ZDHHC9: variants seen among roughly 807,000 people sequenced by gnomAD.
ZDHHC9 encodes zDHHC palmitoyltransferase 9, also known as palmitoyltransferase ZDHHC9.
In ZDHHC9, 3 loss-of-function variants were observed where a neutral mutation model predicts 26.6. That is an observed-to-expected ratio of 0.11 (90% CI 0.05 to 0.29). The LOEUF (loss-of-function observed/expected upper bound fraction) is 0.29. ZDHHC9 is among the 10% of genes least tolerant of loss of function. The pLI, the probability that ZDHHC9 is intolerant of heterozygous loss-of-function variation, is 1.00. For synonymous variants in ZDHHC9, 111 were observed against 109.4 expected (o/e 1.01, Z -0.09); for missense variants, 146 against 296.4 (o/e 0.49, Z 3.73).
At chrX:129,808,557 T>C (rs751789469) in intron 10 of ZDHHC9, among the ~76,000 whole-genome samples, 2 of 111,470 alleles carry the variant, frequency 1.8e-5, no homozygotes, top group Non-Finnish European at 3.8e-5. Flanking sequence ...TATATAAAAA[T>C]TAACTCAAAA....
intron 5 of ZDHHC9, 40 bp downstream of exon 5, chrX:129,823,639 C>T: frequency 8.3e-7 from 1 of 1,208,972 alleles, no homozygotes; most frequent in Non-Finnish European, 1.1e-6. Context: ...TAGTTCAACT[C>T]AGCCTTTTCC....
chrX:129,835,708 G>A (rs1343869710), intron 3 of ZDHHC9, among the ~76,000 whole-genome samples: 2 of 110,381 alleles, frequency 1.8e-5, no homozygotes, highest in Non-Finnish European at 3.8e-5. Flanking sequence ...GCTTGAACCC[G>A]GGAGGCGGAG....
At chrX:129,812,885 T>G (rs753543258) in intron 7 of ZDHHC9, 65 bp from the exon 8 acceptor site, 1 of 768,610 alleles carries the variant, frequency 1.3e-6, no homozygotes, top group South Asian at 2.1e-5. Context: ...CCGCCCATAT[T>G]CAGAGCACCA....
intron 3 of ZDHHC9, among the ~76,000 whole-genome samples, chrX:129,831,394 G>A (rs1411652800): frequency 9.0e-6 from 1 of 111,652 alleles, no homozygotes; most frequent in African/African-American, 3.3e-5. Context: ...TATCTGATTG[G>A]CCACCAAAGA....
chrX:129,824,655 AATT>A (rs1927970874), intron 4 of ZDHHC9, among the ~76,000 whole-genome samples: 1 of 112,003 alleles, frequency 8.9e-6, no homozygotes, highest in Non-Finnish European at 1.9e-5. Context: ...AACTTATCAA[AATT>A]ATAATGAGAT....
rs1251592237 is a variant in ZDHHC9 at position 129,815,578 on chromosome X, T to C, written c.488-783A>G. On this transcript the variant is annotated intron_variant, in intron 5 of 10. Transcript: ENST00000357166. Reference sequence around the variant, plus strand: ...CCATAAACTTTAAAAAAGTACTTTGTGGTTTTGATTTGCATTTCCTTGGTG... The same window carrying C: ...CCATAAACTTTAAAAAAGTACTTTGCGGTTTTGATTTGCATTTCCTTGGTG... Among the ~76,000 whole-genome samples, 9 of 112,407 alleles carry C rather than the reference T, an allele frequency of 8.0e-5. No homozygotes were observed. The Admixed American group carries it at 8.5e-4, about 11-fold the overall frequency.
rs781056042 is a variant in ZDHHC9 at position 129,806,366 on chromosome X, T to G, written c.*4A>C. 20 of 1,201,847 alleles carry G rather than the reference T, an allele frequency of 1.7e-5. No individual in the cohort carries two copies. Among genetic ancestry groups the G allele is most frequent in the Non-Finnish European group, 2.1e-5 (19 of 887,655 alleles). On this transcript the variant is annotated 3_prime_UTR_variant, in exon 11 of 11. Transcript: ENST00000357166. Reference sequence around the variant, plus strand: ...CACAAACAAAAGTCTCTTCCATAGATAGGCTACTTCTCAGCTTCAGCTGCC... The same window carrying G: ...CACAAACAAAAGTCTCTTCCATAGAGAGGCTACTTCTCAGCTTCAGCTGCC...
At chrX:129,819,172 C>CAAAA (rs10555509) in intron 5 of ZDHHC9, among the ~76,000 whole-genome samples, 3 of 36,072 alleles carry the variant, frequency 8.3e-5, no homozygotes, top group African/African-American at 2.3e-4. Context: ...GCCTCCGTCT[C>CAAAA]AAAAAAAAAA....
At chrX:129,830,911 G>A (rs1010260540) in intron 3 of ZDHHC9, among the ~76,000 whole-genome samples, 1 of 111,561 alleles carries the variant, frequency 9.0e-6, no homozygotes, top group African/African-American at 3.3e-5. Flanking sequence ...TGAACCTGAA[G>A]GATGATTTTC....
intron 5 of ZDHHC9, among the ~76,000 whole-genome samples, chrX:129,821,527 G>A (rs908972290): frequency 1.8e-5 from 2 of 108,188 alleles, no homozygotes; most frequent in African/African-American, 6.7e-5. Context: ...TCCTGACCTC[G>A]TGATCCTCCC....
chrX:129,825,621 A>C lies in ZDHHC9; in HGVS notation c.329-1784T>G, dbSNP rs912315885. ...TATTTAGGTGATGTTTCATGTAAAA[A>C]TTTAAAACATTACAGAGAAAAGCTT... On this transcript the variant is annotated intron_variant, in intron 4 of 10. Transcript: ENST00000357166. 3.6e-5 allele frequency among the ~76,000 whole-genome samples: 4 copies of C among 111,438 alleles called. No individual in the cohort carries two copies. In the Admixed American group the frequency reaches 3.8e-4, roughly 11 times the overall value.
In ZDHHC9 at chrX:129,817,031, C is replaced by G. The variant is rs747095849; in HGVS notation, c.488-2236G>C. 2.7e-5 allele frequency among the ~76,000 whole-genome samples: 3 copies of G among 110,638 alleles called. No individual in the cohort carries two copies. The South Asian group carries it at 1.2e-3, about 42-fold the overall frequency. On this transcript the variant is annotated intron_variant, in intron 5 of 10. Transcript: ENST00000357166. ...CTGGGATTACAGGCATCCGCCACCA[C>G]GCCCAGCTAATTTTTGTATTTTTAG...
chrX:129,813,563 C>T (rs1927693184), intron 7 of ZDHHC9, 114 bp downstream of exon 7: 1 of 781,173 alleles, frequency 1.3e-6, no homozygotes. Flanking sequence ...TTATTTTAGA[C>T]CTTGGCACTC....
At chrX:129,817,000 G>A (rs777976345) in intron 5 of ZDHHC9, among the ~76,000 whole-genome samples, 2 of 110,300 alleles carry the variant, frequency 1.8e-5, no homozygotes, top group South Asian at 3.9e-4. Context: ...TCAGCTGCCC[G>A]AGTAGCTGGG....
intron 2 of ZDHHC9, among the ~76,000 whole-genome samples, chrX:129,842,898 G>A (rs1443532595): frequency 8.9e-6 from 1 of 112,442 alleles, no homozygotes; most frequent in Non-Finnish European, 1.9e-5. Flanking sequence ...TGGGGGGTGG[G>A]GAATGGCAGC....
intron 4 of ZDHHC9, among the ~76,000 whole-genome samples, chrX:129,824,572 G>A (rs1333213938): frequency 8.9e-6 from 1 of 111,782 alleles, no homozygotes; most frequent in Admixed American, 9.5e-5. Flanking sequence ...TTACAGGTGT[G>A]AGCCACCGTG....
chrX:129,837,370 T>G (rs1022987331), intron 3 of ZDHHC9, among the ~76,000 whole-genome samples: 3 of 111,864 alleles, frequency 2.7e-5, no homozygotes, highest in Non-Finnish European at 5.6e-5. Flanking sequence ...CTATAAGAAA[T>G]GTCATGTGAT....
At chrX:129,820,387 C>T (rs1050645064) in intron 5 of ZDHHC9, among the ~76,000 whole-genome samples, 3 of 105,940 alleles carry the variant, frequency 2.8e-5, no homozygotes, top group Non-Finnish European at 5.8e-5. Flanking sequence ...TGAGACCAGC[C>T]TGGGCAACAT....
intron 9 of ZDHHC9, 41 bp from the exon 10 acceptor site, chrX:129,811,042 C>A: frequency 9.0e-7 from 1 of 1,112,855 alleles, no homozygotes; most frequent in Non-Finnish European, 1.2e-6. Context: ...TGGGCATTCA[C>A]CCCTCCACCC....
Sources: gnomAD v4.1 joint callset for allele counts (sites outside exome capture counted in the v4.1 genomes callset) on GRCh38, gnomAD v4.1.1 for gene constraint, MANE v1.5 for transcripts, NCBI Gene and HGNC (gene_info 2026-07-23, HGNC 2026-07-21) for gene names.